PCDH15: variants seen among roughly 807,000 people sequenced by gnomAD.
PCDH15 encodes protocadherin-15.
A neutral mutation model predicts 178.5 loss-of-function variants in PCDH15; 129 were observed. The observed-to-expected ratio is 0.72, with a 90% CI of 0.63 to 0.84. The LOEUF is 0.84. PCDH15 is among the 40% of genes least tolerant of loss of function. The probability of loss-of-function intolerance (pLI) is 0.00; values close to 1 mark genes in which losing one functional copy is unlikely to be tolerated. For synonymous variants in PCDH15, 800 were observed against 732.0 expected, an observed-to-expected ratio of 1.09 and a Z score of -1.50; for missense variants, 2,230 against 2,099.9, an observed-to-expected ratio of 1.06 and a Z score of -1.21.
intron 2 of PCDH15, among the ~76,000 whole-genome samples, chr10:54,948,753 A>G (rs1277227715): frequency 6.6e-6 from 1 of 151,950 alleles, no homozygotes; most frequent in African/African-American, 2.4e-5. Flanking sequence ...TGATCTCTGT[A>G]TATATCATAT....
At chr10:54,161,121 A>G (rs1292392222) in intron 13 of PCDH15, among the ~76,000 whole-genome samples, 2 of 152,186 alleles carry the variant, frequency 1.3e-5, no homozygotes, top group African/African-American at 4.8e-5. Context: ...TCACAGTCAC[A>G]TTAAACTGGA....
chr10:54,179,800 C>T (rs1199305066), intron 13 of PCDH15, among the ~76,000 whole-genome samples: 1 of 152,072 alleles, frequency 6.6e-6, no homozygotes, highest in African/African-American at 2.4e-5. Context: ...AGGCAGAATG[C>T]TAATAGTCAA....
intron 8 of PCDH15, among the ~76,000 whole-genome samples, chr10:54,281,311 A>T (rs896951378): frequency 5.9e-5 from 9 of 152,008 alleles, no homozygotes; most frequent in South Asian, 2.1e-4. Context: ...AACATTTCAG[A>T]AAAACCCACA....
chr10:53,833,928 T>C (rs570787332), intron 29 of PCDH15, among the ~76,000 whole-genome samples: 50 of 152,266 alleles, frequency 3.3e-4, no homozygotes, highest in African/African-American at 1.2e-3. Flanking sequence ...AGGTGCTCAA[T>C]TGATTTTAGG....
intron 3 of PCDH15, among the ~76,000 whole-genome samples, chr10:54,419,786 G>A (rs1954985060): frequency 6.6e-6 from 1 of 152,046 alleles, no homozygotes; most frequent in Non-Finnish European, 1.5e-5. Context: ...GGCAATTGGA[G>A]GGTGAATTTA....
rs201426412 is a variant in PCDH15 at position 53,808,806 on chromosome 10, T to G, written c.4672-1676A>C. 4.7e-5 allele frequency: 76 copies of G among 1,611,788 alleles called. No individual in the cohort carries two copies. The highest frequency in any genetic ancestry group is 1.6e-4 in the Middle Eastern group (1 of 6,084). On this transcript the variant is annotated intron_variant, in intron 37 of 37. Coordinates refer to ENST00000644397, the MANE Select transcript of PCDH15 (RefSeq NM_001384140.1). ...AGCCCCATGGACCTCCAGACTGACTTTCGCTACTACTGCTACTACTACCTG... is the reference window on the plus strand; with the variant it reads ...AGCCCCATGGACCTCCAGACTGACTGTCGCTACTACTGCTACTACTACCTG...
chr10:55,569,735 C>T lies in PCDH15; in HGVS notation c.-156+57890G>A, dbSNP rs16907518. Among the ~76,000 whole-genome samples the T allele has an allele frequency of 4.6e-3, 702 of 151,876 alleles. 6 individuals carry two copies. The highest frequency in any genetic ancestry group is 0.016 in the African/African-American group (668 of 41,470). ...TATGCTATTTTCAGAAATAAGAAAA[C>T]GTAAAGCTCAGTAAAACACTGTAAT... On this transcript the variant is annotated intron_variant, in intron 2 of 5. Transcript: ENST00000613346.
chr10:53,831,789 AATT>A (rs1472614520), intron 29 of PCDH15, among the ~76,000 whole-genome samples: 3 of 152,150 alleles, frequency 2.0e-5, no homozygotes, highest in Non-Finnish European at 2.9e-5. Flanking sequence ...TAAAAAATCT[AATT>A]ATCAGTATCA....
intron 10 of PCDH15, among the ~76,000 whole-genome samples, chr10:54,202,625 C>A (rs530870279): frequency 7.4e-4 from 112 of 151,968 alleles, no homozygotes; most frequent in African/African-American, 2.7e-3. Flanking sequence ...CCAGCCTGAC[C>A]AATGTAGAGA....
At chr10:55,255,606 C>T (rs1841974908) in intron 1 of PCDH15, among the ~76,000 whole-genome samples, 1 of 152,120 alleles carries the variant, frequency 6.6e-6, no homozygotes, top group African/African-American at 2.4e-5. Context: ...ACATCCTCTC[C>T]AGCACCTGTT....
intron 3 of PCDH15, among the ~76,000 whole-genome samples, chr10:54,402,729 CCCA>C (rs1440219301): frequency 6.6e-6 from 1 of 151,922 alleles, no homozygotes; most frequent in African/African-American, 2.4e-5. Context: ...GCAAACCATT[CCCA>C]CATTACATTG....
intron 2 of PCDH15, among the ~76,000 whole-genome samples, chr10:55,537,126 T>A (rs1452936953): frequency 2.0e-5 from 3 of 152,094 alleles, no homozygotes; most frequent in Non-Finnish European, 2.9e-5. Flanking sequence ...TAACCGAGAC[T>A]AAAAATTATT....
intron 2 of PCDH15, among the ~76,000 whole-genome samples, chr10:54,577,427 C>T (rs11004393): frequency 0.14 from 20,787 of 151,728 alleles, 1,687 homozygotes; most frequent in Non-Finnish European, 0.19. Context: ...TTCTTCAGTT[C>T]CCTCTAAACT....
rs183981250 is a variant in PCDH15, at chr10:55,594,523, T to C, written c.-156+33102A>G. Among the ~76,000 whole-genome samples the C allele has an allele frequency of 3.9e-5, 6 of 152,152 alleles. No homozygotes were observed. The East Asian group carries it at 1.2e-3, about 29-fold the overall frequency. On this transcript the variant is annotated intron_variant, in intron 2 of 5. Transcript: ENST00000613346. Reference sequence around the variant, plus strand: ...AAAAACTGCTAATTACCACAAATAGTAATTTAGAGACATAAATATTATACA... The same window carrying C: ...AAAAACTGCTAATTACCACAAATAGCAATTTAGAGACATAAATATTATACA...
Position 54,088,971 on chromosome 10 carries a change from T to C in PCDH15, c.1997+1013A>G, listed in dbSNP as rs571981136. Among the ~76,000 whole-genome samples, 79 of 152,314 alleles carry C rather than the reference T, an allele frequency of 5.2e-4. 2 individuals carry two copies. The highest frequency in any genetic ancestry group is 1.2e-3 in the South Asian group (6 of 4,828). The stretch of plus-strand genomic sequence containing the variant: ...TTTCTTTAATGATGATTGTAAATTG[T>C]AGCTAATTTTTGATTTCTACATCCC... On this transcript the variant is annotated intron_variant, in intron 16 of 37. Coordinates refer to ENST00000644397, the MANE Select transcript of PCDH15 (RefSeq NM_001384140.1).
At chr10:55,304,732 A>G (rs914130393) in intron 1 of PCDH15, among the ~76,000 whole-genome samples, 1 of 152,288 alleles carries the variant, frequency 6.6e-6, no homozygotes, top group East Asian at 1.9e-4. Flanking sequence ...CAGTCATTTA[A>G]TGTATACTGG....
At chr10:55,580,786 GTTC>G (rs1268764559) in intron 2 of PCDH15, among the ~76,000 whole-genome samples, 9 of 152,146 alleles carry the variant, frequency 5.9e-5, no homozygotes, top group African/African-American at 1.7e-4. Flanking sequence ...TCTAGCCGAT[GTTC>G]TTCTATTCAG....
chr10:53,948,231 G>A (rs184286309), intron 23 of PCDH15, among the ~76,000 whole-genome samples: 27 of 152,036 alleles, frequency 1.8e-4, no homozygotes, highest in African/African-American at 6.3e-4. Context: ...GCCCTGCTTT[G>A]GACAATAAAT....
At chr10:54,557,523 T>A (rs1315846136) in intron 2 of PCDH15, among the ~76,000 whole-genome samples, 1 of 152,160 alleles carries the variant, frequency 6.6e-6, no homozygotes, top group Non-Finnish European at 1.5e-5. Context: ...TAATTCTGAA[T>A]AGTTTTCTCC....
Sources: allele counts gnomAD v4.1 joint callset (sites outside exome capture counted in the v4.1 genomes callset), GRCh38; gene constraint gnomAD v4.1.1; transcripts MANE v1.5; gene names NCBI Gene and HGNC (gene_info 2026-07-23, HGNC 2026-07-21).